The following ERAP1 variants were observed in gnomAD, a reference collection of about 807,000 sequenced individuals.
ERAP1 encodes adipocyte-derived leucine aminopeptidase.
A neutral mutation model predicts 103.7 loss-of-function variants in ERAP1; 86 were observed. The ratio of observed to expected loss-of-function variants is 0.83; its 90% CI spans 0.70 to 0.99. The LOEUF (loss-of-function observed/expected upper bound fraction) is 0.99. Among genes scored for constraint, ERAP1 ranks in the 50% least tolerant of loss-of-function variants. The pLI, the probability that ERAP1 is intolerant of heterozygous loss-of-function variation, is 0.00. For missense variants in ERAP1, 1,009 were observed against 1,128.4 expected, an observed-to-expected ratio of 0.89 and a Z score of 1.52; for synonymous variants, 398 against 402.4, an observed-to-expected ratio of 0.99 and a Z score of 0.13.
chr5:96,884,008 T>A, the ERAP1 span: 7 of 1,347,816 alleles, frequency 5.2e-6, no homozygotes, highest in South Asian at 7.5e-5. Flanking sequence ...AAAATTGCTT[T>A]CAGGATTTCA....
At chr5:96,844,800 C>G in the ERAP1 span, among the ~76,000 whole-genome samples, 2 of 152,178 alleles carry the variant, frequency 1.3e-5, no homozygotes, top group Non-Finnish European at 2.9e-5. Flanking sequence ...CCTCCTTTGG[C>G]GAGAATTGCT....
chr5:96,796,488 A>C (rs2150974051), intron 4 of ERAP1, among the ~76,000 whole-genome samples: 1 of 152,366 alleles, frequency 6.6e-6, no homozygotes, highest in South Asian at 2.1e-4. Context: ...ATTTACTTCC[A>C]AACTGCAGAA....
At chr5:96,901,611 C>A in the ERAP1 span, 1 of 1,614,114 alleles carries the variant, frequency 6.2e-7, no homozygotes, top group Non-Finnish European at 8.5e-7. Flanking sequence ...GTGTTCACTC[C>A]GACTGCAACA....
chr5:96,827,491 A>G, the ERAP1 span, among the ~76,000 whole-genome samples: 1 of 152,082 alleles, frequency 6.6e-6, no homozygotes, highest in Admixed American at 6.6e-5. Context: ...GTGAAACCCC[A>G]TCTCTGCTAA....
At chr5:96,762,412 G>T (rs144506614) in exon 20 of ERAP1, 1 of 1,430,410 alleles carries the variant, frequency 7.0e-7, no homozygotes, top group Non-Finnish European at 9.5e-7. Context: ...ATGTTTTTGC[G>T]CAGCCACAAC....
the ERAP1 span, chr5:96,909,784 C>T: frequency 5.0e-6 from 8 of 1,608,948 alleles, no homozygotes; most frequent in Admixed American, 6.7e-5. Flanking sequence ...GACTTCTGTC[C>T]TACCCTTTGT....
At chr5:96,934,055 G>A in the ERAP1 span, 4 of 152,232 alleles carry the variant, frequency 2.6e-5, no homozygotes, top group African/African-American at 9.7e-5. Flanking sequence ...TGCAGCAGTG[G>A]AAGTGAACTC....
At chr5:96,900,271 AC>A in the ERAP1 span, 40 of 1,515,016 alleles carry the variant, frequency 2.6e-5, no homozygotes, top group Admixed American at 8.0e-4. Context: ...AGAGTAGCCC[AC>A]CTGTCCCTTT....
the ERAP1 span, chr5:96,892,398 C>T: frequency 1.2e-6 from 2 of 1,614,080 alleles, no homozygotes; most frequent in Non-Finnish European, 1.7e-6. Context: ...AAGACCTCTT[C>T]TGCTTCCGAT....
the ERAP1 span, chr5:96,902,454 AT>A: frequency 1.5e-6 from 1 of 687,478 alleles, no homozygotes; most frequent in Non-Finnish European, 2.5e-6. Context: ...ACAATAAAAG[AT>A]TTATATTTGA....
At chr5:96,851,853 G>T in the ERAP1 span, among the ~76,000 whole-genome samples, 2 of 152,134 alleles carry the variant, frequency 1.3e-5, no homozygotes, top group African/African-American at 4.8e-5. Context: ...ATAAAGGAAA[G>T]CTGAGACACG....
the ERAP1 span, chr5:96,917,328 C>T: frequency 1.5e-6 from 1 of 658,040 alleles, no homozygotes; most frequent in Non-Finnish European, 2.5e-6. Flanking sequence ...GGCATGTTGC[C>T]TAGGCTCGTA....
chr5:96,866,288 C>T, the ERAP1 span, among the ~76,000 whole-genome samples: 1 of 152,198 alleles, frequency 6.6e-6, no homozygotes, highest in Non-Finnish European at 1.5e-5. Context: ...AATGTGTGTA[C>T]AAGCTGTTTA....
the ERAP1 span, among the ~76,000 whole-genome samples, chr5:96,830,600 G>T: frequency 6.6e-6 from 1 of 152,150 alleles, no homozygotes; most frequent in Non-Finnish European, 1.5e-5. Flanking sequence ...GATAAATCTT[G>T]CAAATATAAT....
the ERAP1 span, among the ~76,000 whole-genome samples, chr5:96,860,963 CT>C: frequency 7.4e-3 from 1,068 of 144,012 alleles, 8 homozygotes; most frequent in Admixed American, 0.027. Flanking sequence ...TCTTTTCTTT[CT>C]TTTTTTTTTT....
chr5:96,899,912 G>A, the ERAP1 span, among the ~76,000 whole-genome samples: 2 of 152,162 alleles, frequency 1.3e-5, no homozygotes, highest in African/African-American at 2.4e-5. Context: ...TTACACATGC[G>A]TATATATAAC....
chr5:96,791,956 G>A, intron 8 of ERAP1, 105 bp downstream of exon 8: 2 of 1,224,988 alleles, frequency 1.6e-6, no homozygotes. Context: ...AAGAGAGAAG[G>A]CATTCAATCT....
At chr5:96,803,972 A>T in intron 1 of ERAP1, 29 bp from the exon 2 acceptor site, 1 of 1,596,818 alleles carries the variant, frequency 6.3e-7, no homozygotes, top group South Asian at 1.1e-5. Context: ...AAAAGCAAAA[A>T]TATATGTCAT....
chr5:96,922,774 G>A, the ERAP1 span, among the ~76,000 whole-genome samples: 3 of 152,218 alleles, frequency 2.0e-5, no homozygotes, highest in Admixed American at 6.5e-5. Flanking sequence ...AGGCTGGATA[G>A]CATTTAAAGA....
Sources: gnomAD v4.1 joint callset for allele counts (sites outside exome capture counted in the v4.1 genomes callset) on GRCh38, gnomAD v4.1.1 for gene constraint, MANE v1.5 for transcripts, NCBI Gene and HGNC (gene_info 2026-07-23, HGNC 2026-07-21) for gene names.